Variants in SIPA1L1 observed in about 807,000 individuals in gnomAD.
The protein encoded by SIPA1L1 is signal-induced proliferation-associated 1-like protein 1.
Under a neutral mutation model 162.7 loss-of-function variants are expected in SIPA1L1, and 26 were observed. The ratio of observed to expected loss-of-function variants is 0.16; its 90% CI spans 0.12 to 0.22. The LOEUF (loss-of-function observed/expected upper bound fraction) is 0.22, where lower values mean the gene tolerates loss of function less well. Among genes scored for constraint, SIPA1L1 ranks in the 10% least tolerant of loss-of-function variants. The probability of loss-of-function intolerance (pLI) is 1.00; values close to 1 mark genes in which losing one functional copy is unlikely to be tolerated. For missense variants in SIPA1L1, 1,874 were observed against 2,241.0 expected (o/e 0.84, Z 3.31); for synonymous variants, 829 against 837.4 (o/e 0.99, Z 0.17).
Position 71,525,238 on chromosome 14 carries a change from A to C in SIPA1L1, c.-361-4074A>C, listed in dbSNP as rs143611537. Among the ~76,000 whole-genome samples the C allele has an allele frequency of 9.2e-5, 14 of 151,442 alleles. No homozygotes were observed. In the East Asian group the frequency reaches 2.7e-3, roughly 29 times the overall value. On this transcript the variant is annotated intron_variant, in intron 3 of 23. Coordinates refer to ENST00000381232, the MANE Select transcript of SIPA1L1 (RefSeq NM_001386936.1). Reference sequence around the variant, plus strand: ...CTCACTCTTGCCTAGGCTGGAGTGCAGTGGTACGATCTCGGCTCACTGCAA... The same window carrying C: ...CTCACTCTTGCCTAGGCTGGAGTGCCGTGGTACGATCTCGGCTCACTGCAA...
chr14:71,564,792 C>T (rs911937784), intron 4 of SIPA1L1, among the ~76,000 whole-genome samples: 1 of 152,090 alleles, frequency 6.6e-6, no homozygotes, highest in Non-Finnish European at 1.5e-5. Flanking sequence ...CCCGGCCATC[C>T]TTGGCATTTT....
At chr14:71,375,885 T>C (rs1284844201) in intron 2 of SIPA1L1, among the ~76,000 whole-genome samples, 1 of 152,176 alleles carries the variant, frequency 6.6e-6, no homozygotes, top group Non-Finnish European at 1.5e-5. Flanking sequence ...GATTTTTAAA[T>C]GTTAAACCAA....
intron 3 of SIPA1L1, among the ~76,000 whole-genome samples, chr14:71,526,836 G>T (rs2052928178): frequency 6.6e-6 from 1 of 152,116 alleles, no homozygotes; most frequent in Non-Finnish European, 1.5e-5. Context: ...GAAAATTATT[G>T]TATAGGATTT....
intron 2 of SIPA1L1, among the ~76,000 whole-genome samples, chr14:71,374,387 C>A (rs117592296): frequency 1.4e-3 from 209 of 151,922 alleles, no homozygotes; most frequent in Non-Finnish European, 2.5e-3. Flanking sequence ...TTGGAGAAAT[C>A]GTATTCAGTT....
chr14:71,642,205 A>G (rs1309422438), intron 7 of SIPA1L1, among the ~76,000 whole-genome samples: 1 of 152,200 alleles, frequency 6.6e-6, no homozygotes, highest in African/African-American at 2.4e-5. Context: ...TGGGAAACAA[A>G]TGAGGTGAAC....
chr14:71,710,399 C>T (rs191585603), intron 17 of SIPA1L1, among the ~76,000 whole-genome samples: 307 of 152,286 alleles, frequency 2.0e-3, no homozygotes, highest in Non-Finnish European at 3.6e-3. Context: ...CTTTTTAGGC[C>T]TGTTGATCTC....
intron 13 of SIPA1L1, among the ~76,000 whole-genome samples, chr14:71,689,578 T>C (rs529221971): frequency 6.6e-6 from 1 of 152,364 alleles, no homozygotes; most frequent in East Asian, 1.9e-4. Flanking sequence ...AATATGCTTA[T>C]AAAAGTTGAG....
At chr14:71,552,589 G>A (rs908645854) in intron 4 of SIPA1L1, among the ~76,000 whole-genome samples, 3 of 151,896 alleles carry the variant, frequency 2.0e-5, no homozygotes, top group African/African-American at 7.3e-5. Context: ...GTAGAGACGG[G>A]GTTTCACCGT....
intron 2 of SIPA1L1, among the ~76,000 whole-genome samples, chr14:71,329,212 C>T (rs1043606690): frequency 2.0e-5 from 3 of 152,120 alleles, no homozygotes; most frequent in South Asian, 2.1e-4. Context: ...TTGCTATGAA[C>T]GTGGGTGTGC....
intron 2 of SIPA1L1, among the ~76,000 whole-genome samples, chr14:71,457,433 T>C (rs2141760582): frequency 6.6e-6 from 1 of 151,366 alleles, no homozygotes; most frequent in African/African-American, 2.4e-5. Context: ...TGAGTAGCTG[T>C]GGCTACAGGC....
chr14:71,408,708 G>T (rs1362024159), intron 2 of SIPA1L1, among the ~76,000 whole-genome samples: 1 of 152,172 alleles, frequency 6.6e-6, no homozygotes, highest in East Asian at 1.9e-4. Flanking sequence ...TCTGGGAAAT[G>T]GTTTAGAAGT....
chr14:71,333,615 C>T (rs1010920576), intron 2 of SIPA1L1, among the ~76,000 whole-genome samples: 9 of 152,182 alleles, frequency 5.9e-5, no homozygotes, highest in African/African-American at 2.2e-4. Flanking sequence ...AGTTGTGTGA[C>T]TTTGGCTGTC....
chr14:71,372,497 A>G (rs909291274), intron 2 of SIPA1L1, among the ~76,000 whole-genome samples: 9 of 152,172 alleles, frequency 5.9e-5, no homozygotes, highest in African/African-American at 2.2e-4. Flanking sequence ...TCTGTGTTCT[A>G]CATTTACGTT....
At chr14:71,393,804 C>A (rs1360447689) in intron 2 of SIPA1L1, among the ~76,000 whole-genome samples, 2 of 152,126 alleles carry the variant, frequency 1.3e-5, no homozygotes, top group Non-Finnish European at 2.9e-5. Context: ...CTGGGTGATA[C>A]AGCAAGACCC....
intron 4 of SIPA1L1, among the ~76,000 whole-genome samples, chr14:71,584,975 G>A (rs1215638830): frequency 6.6e-6 from 1 of 152,204 alleles, no homozygotes; most frequent in African/African-American, 2.4e-5. Flanking sequence ...AGGAATAGAT[G>A]TGAAGGTATT....
At chr14:71,592,272 C>T (rs142888107) in intron 5 of SIPA1L1, among the ~76,000 whole-genome samples, 3 of 152,304 alleles carry the variant, frequency 2.0e-5, no homozygotes, top group East Asian at 1.9e-4. Flanking sequence ...TAATATACCA[C>T]AAATAGTGGC....
chr14:71,723,546 C>A, intron 17 of SIPA1L1, 101 bp from the exon 18 acceptor site: 3 of 1,326,918 alleles, frequency 2.3e-6, no homozygotes, highest in Non-Finnish European at 3.2e-6. Context: ...ATGAAAAATT[C>A]ACTGTTGTTC....
At chr14:71,386,033 G>T (rs140582111) in intron 2 of SIPA1L1, among the ~76,000 whole-genome samples, 1 of 152,062 alleles carries the variant, frequency 6.6e-6, no homozygotes, top group Non-Finnish European at 1.5e-5. Flanking sequence ...TATGCTTACC[G>T]TATATCTCAG....
At chr14:71,513,227 A>T (rs981416428) in intron 3 of SIPA1L1, among the ~76,000 whole-genome samples, 1 of 152,046 alleles carries the variant, frequency 6.6e-6, no homozygotes, top group Non-Finnish European at 1.5e-5. Flanking sequence ...GTATCACCGT[A>T]GAATTGAACT....
Sources: allele counts gnomAD v4.1 joint callset (sites outside exome capture counted in the v4.1 genomes callset), GRCh38; gene constraint gnomAD v4.1.1; transcripts MANE v1.5; gene names NCBI Gene and HGNC (gene_info 2026-07-23, HGNC 2026-07-21).